SENP8: variants seen among roughly 807,000 people sequenced by gnomAD.
The protein encoded by SENP8 is SUMO peptidase family member, NEDD8 specific.
Under a neutral mutation model 14.4 loss-of-function variants are expected in SENP8, and 10 were observed. That is an observed-to-expected ratio of 0.69 (90% CI 0.43 to 1.18). SENP8 has a LOEUF of 1.18. Among genes scored for constraint, SENP8 ranks in the 50% most tolerant of loss-of-function variants. The probability of loss-of-function intolerance (pLI) is 0.00; values close to 1 mark genes in which losing one functional copy is unlikely to be tolerated. For missense variants in SENP8, 202 were observed against 249.4 expected (o/e 0.81, Z 1.28); for synonymous variants, 94 against 95.5 (o/e 0.98, Z 0.09).
chr15:72,133,640 A>G lies in SENP8; in HGVS notation c.-47-5937A>G, dbSNP rs184973508. Among the ~76,000 whole-genome samples, 205 of 152,304 alleles carry G rather than the reference A, an allele frequency of 1.3e-3. 1 individual carries two copies. The highest frequency in any genetic ancestry group is 4.5e-3 in the African/African-American group (187 of 41,558). The stretch of plus-strand genomic sequence containing the variant: ...GTGCCTCTTATGGATTTCTTATCTC[A>G]TTGACTAGAAGCCACCTTATACATC... On this transcript the variant is annotated intron_variant, in intron 1 of 1. Transcript: ENST00000340912.
At chr15:72,117,930 C>G (rs560020564), upstream of SENP8, 16 of 400,504 alleles carry the variant, frequency 4.0e-5, no homozygotes, top group Admixed American at 3.1e-4. Flanking sequence ...CCAGAGAGCA[C>G]GCGTTGGACC....
intron 1 of SENP8, among the ~76,000 whole-genome samples, chr15:72,138,406 A>G (rs1405339536): frequency 6.7e-6 from 1 of 149,998 alleles, no homozygotes; most frequent in Non-Finnish European, 1.5e-5. Context: ...CTGGAGCGCA[A>G]TGGCATGATC....
chr15:72,129,643 C>G (rs2081253618), intron 1 of SENP8, among the ~76,000 whole-genome samples: 1 of 149,212 alleles, frequency 6.7e-6, no homozygotes, highest in Admixed American at 6.7e-5. Flanking sequence ...TCCCAAAGTG[C>G]TGGGATTACA....
intron 1 of SENP8, among the ~76,000 whole-genome samples, chr15:72,124,920 A>T (rs538305409): frequency 3.3e-5 from 5 of 152,300 alleles, no homozygotes; most frequent in Non-Finnish European, 7.4e-5. Context: ...TCATATACAG[A>T]TGTTTATATC....
intron 1 of SENP8, among the ~76,000 whole-genome samples, chr15:72,124,880 C>T (rs1204626008): frequency 6.6e-6 from 1 of 152,026 alleles, no homozygotes; most frequent in Non-Finnish European, 1.5e-5. Flanking sequence ...TGATGGATAT[C>T]GTTCTTGATT....
chr15:72,120,234 G>A (rs1344556440), intron 1 of SENP8, among the ~76,000 whole-genome samples: 1 of 152,328 alleles, frequency 6.6e-6, no homozygotes, highest in South Asian at 2.1e-4. Flanking sequence ...GAAAATTACC[G>A]TATTAGGGAA....
rs180835530 is a variant in SENP8, at chr15:72,137,725, C to G, written c.-47-1852C>G. ...CGGTGGCTCACGTCTGTAATCCCAG[C>G]ACTTTGGGTGGCTGAGGTGGGTGGA... On this transcript the variant is annotated intron_variant, in intron 1 of 1. Coordinates refer to ENST00000340912, the MANE Select transcript of SENP8 (RefSeq NM_145204.4). Among the ~76,000 whole-genome samples the G allele has an allele frequency of 1.7e-4, 26 of 152,306 alleles. No individual in the cohort carries two copies. In the East Asian group the frequency reaches 4.1e-3, roughly 24 times the overall value.
At chr15:72,117,571 G>A (rs184880743), upstream of SENP8, 808 of 378,614 alleles carry the variant, frequency 2.1e-3, 9 homozygotes, top group East Asian at 0.029. Context: ...CCGCTCGCGG[G>A]GCGTCTCCGC....
upstream of SENP8, among the ~76,000 whole-genome samples, chr15:72,116,413 T>C (rs1446115836): frequency 6.6e-6 from 1 of 152,194 alleles, no homozygotes; most frequent in Non-Finnish European, 1.5e-5. Context: ...GGAGCTCAAC[T>C]TCTACAAACA....
In SENP8 at chr15:72,125,116, C is replaced by T. The variant is rs573589828; in HGVS notation, c.-48+6652C>T. 5.3e-5 allele frequency among the ~76,000 whole-genome samples: 8 copies of T among 152,204 alleles called. No homozygotes were observed. The South Asian group carries it at 1.0e-3, about 20-fold the overall frequency. On this transcript the variant is annotated intron_variant, in intron 1 of 1. Coordinates refer to ENST00000340912, the MANE Select transcript of SENP8 (RefSeq NM_145204.4). ...TGGTGAATATCTTGTTGAATTTTTG[C>T]ACACATTGTTAATGTCTCCCTTAAG... is the stretch of plus-strand genomic sequence containing the variant.
At chr15:72,116,283 A>AT (rs5813676), upstream of SENP8, among the ~76,000 whole-genome samples, 6,743 of 152,226 alleles carry the variant, frequency 0.044, 265 homozygotes, top group East Asian at 0.18. Context: ...TTACTTTAAC[A>AT]TTTTTTACTG....
rs1158014944 is a variant in SENP8, at chr15:72,139,762, T to C, written c.139T>C (p.Cys47Arg). ...CTTTGCCAACAGTCAGTTTCATGACTGCTCTGATCACGTCAGTTTCATCAG... is the reference window on the plus strand; with the variant it reads ...CTTTGCCAACAGTCAGTTTCATGACCGCTCTGATCACGTCAGTTTCATCAG... ...EYFANSQFHD[C>R]SDHVSFISPE... The change falls in exon 2 of 2, where the codon TGC becomes CGC. Residue 47 changes from cysteine to arginine, a missense_variant. Transcript: ENST00000340912. 1 of 1,614,202 alleles carries C rather than the reference T, an allele frequency of 6.2e-7. No individual in the cohort carries two copies. The highest frequency in any genetic ancestry group is 2.2e-5 in the East Asian group (1 of 44,886).
At chr15:72,119,253 C>A (rs1284309669) in intron 1 of SENP8, among the ~76,000 whole-genome samples, 3 of 152,154 alleles carry the variant, frequency 2.0e-5, no homozygotes, top group Non-Finnish European at 4.4e-5. Flanking sequence ...GGAACGCAAC[C>A]TTGTATGTGC....
At chr15:72,117,730 C>G, upstream of SENP8, 1 of 397,578 alleles carries the variant, frequency 2.5e-6, no homozygotes, top group Non-Finnish European at 4.4e-6. Flanking sequence ...TCGACGGAAG[C>G]TGCCTTCCAC....
upstream of SENP8, chr15:72,117,157 T>C (rs2081015017): frequency 6.6e-6 from 1 of 152,112 alleles, no homozygotes; most frequent in African/African-American, 2.4e-5. Context: ...TGACACCACA[T>C]CTACCGGGAG....
At chr15:72,122,064 GT>G (rs1164115438) in intron 1 of SENP8, among the ~76,000 whole-genome samples, 1 of 152,080 alleles carries the variant, frequency 6.6e-6, no homozygotes, top group Non-Finnish European at 1.5e-5. Context: ...CTACATTTCT[GT>G]CTTTTAAAAG....
intron 1 of SENP8, 45 bp downstream of exon 1, chr15:72,118,509 G>A: frequency 6.6e-6 from 1 of 152,298 alleles, no homozygotes; most frequent in Non-Finnish European, 1.5e-5. Context: ...GCAGTGGATC[G>A]CTCTCCCACC....
At chr15:72,126,650 A>G (rs2081223254) in intron 1 of SENP8, among the ~76,000 whole-genome samples, 1 of 152,188 alleles carries the variant, frequency 6.6e-6, no homozygotes, top group Non-Finnish European at 1.5e-5. Flanking sequence ...TTCCGTCACA[A>G]GAAGTGCTAT....
At chr15:72,115,856 TCA>T (rs2080952746), upstream of SENP8, among the ~76,000 whole-genome samples, 1 of 151,988 alleles carries the variant, frequency 6.6e-6, no homozygotes, top group African/African-American at 2.4e-5. Flanking sequence ...ACATATAACA[TCA>T]GACACATTTA....
Sources: gnomAD v4.1 joint callset for allele counts (sites outside exome capture counted in the v4.1 genomes callset) on GRCh38, gnomAD v4.1.1 for gene constraint, MANE v1.5 for transcripts, NCBI Gene and HGNC (gene_info 2026-07-23, HGNC 2026-07-21) for gene names.